DRC12: variants seen among roughly 807,000 people sequenced by gnomAD.
DRC12 encodes dynein regulatory complex subunit 12 homolog, also known as dynein regulatory complex protein 12.
At chr11:119,190,920 A>T in the DRC12 span, 1 of 1,520,004 alleles carries the variant, frequency 6.6e-7, no homozygotes, top group Non-Finnish European at 8.8e-7. The surrounding 1 kb of genome is among the most constrained non-coding windows in gnomAD (Gnocchi z 4.2). Flanking sequence ...TCTGGAAAGG[A>T]GACCTCAAAT....
chr11:119,190,751 GGGCCCGAA>G, the DRC12 span: 2 of 1,614,140 alleles, frequency 1.2e-6, no homozygotes, highest in Non-Finnish European at 8.5e-7. The surrounding 1 kb of genome is among the most constrained non-coding windows in gnomAD (Gnocchi z 4.2). Context: ...TCTGCCATGT[GGGCCCGAA>G]GCTGAGCCAG....
At chr11:119,193,722 T>C in the DRC12 span, 1 of 1,547,318 alleles carries the variant, frequency 6.5e-7, no homozygotes, top group Non-Finnish European at 8.7e-7. Context: ...GTTGTCCTCC[T>C]CCAAGCCCCT....
chr11:119,193,173 G>C, the DRC12 span: 2 of 1,614,118 alleles, frequency 1.2e-6, no homozygotes. Context: ...GAAGGCCTTT[G>C]ACTTCTTCCT....
the DRC12 span, chr11:119,193,658 C>G: frequency 6.7e-7 from 1 of 1,497,562 alleles, no homozygotes; most frequent in Non-Finnish European, 8.9e-7. Context: ...AAGACCAGGC[C>G]TGGCAGTCGG....
chr11:119,195,721 C>A, the DRC12 span: 7 of 519,860 alleles, frequency 1.3e-5, no homozygotes, highest in Admixed American at 7.0e-5. Context: ...TCATTCCTTG[C>A]AACTCTCTTT....
At chr11:119,194,675 C>G in the DRC12 span, among the ~76,000 whole-genome samples, 2 of 151,772 alleles carry the variant, frequency 1.3e-5, no homozygotes, top group African/African-American at 4.8e-5. Context: ...CCACTGCACT[C>G]CAGCCCGGGC....
the DRC12 span, chr11:119,193,855 T>C: frequency 6.4e-7 from 1 of 1,551,552 alleles, no homozygotes; most frequent in Non-Finnish European, 8.7e-7. Flanking sequence ...TTCGGAAGCC[T>C]TGGCTCGACG....
At chr11:119,194,515 C>CGAAAA in the DRC12 span, among the ~76,000 whole-genome samples, 1 of 27,484 alleles carries the variant, frequency 3.6e-5, no homozygotes, top group Non-Finnish European at 5.6e-5. Context: ...GACTCTGTCT[C>CGAAAA]AAAAAAAAAA....
the DRC12 span, chr11:119,195,340 C>G: frequency 3.9e-5 from 49 of 1,271,394 alleles, no homozygotes; most frequent in Non-Finnish European, 2.7e-5. Context: ...CTGCAGAAGG[C>G]TGAATTCTCT....
the DRC12 span, among the ~76,000 whole-genome samples, chr11:119,191,609 C>T: frequency 4.6e-5 from 7 of 151,562 alleles, no homozygotes; most frequent in East Asian, 6.0e-4. Flanking sequence ...GAGTCCGAAA[C>T]GAGCCCGGCC....
At chr11:119,193,054 G>A in the DRC12 span, 8 of 1,066,818 alleles carry the variant, frequency 7.5e-6, no homozygotes, top group Non-Finnish European at 1.0e-5. Context: ...AGCCCAGACG[G>A]CAGCTTTCTG....
the DRC12 span, chr11:119,193,647 C>G: frequency 6.7e-7 from 1 of 1,485,896 alleles, no homozygotes; most frequent in Non-Finnish European, 9.0e-7. Context: ...TGGGAAAGAC[C>G]AAGACCAGGC....
chr11:119,195,021 G>T, the DRC12 span: 1 of 1,535,528 alleles, frequency 6.5e-7, no homozygotes. Flanking sequence ...CAGAGCCTCA[G>T]CTCTTCATGA....
At chr11:119,194,006 C>A in the DRC12 span, 4 of 973,960 alleles carry the variant, frequency 4.1e-6, no homozygotes, top group Non-Finnish European at 6.0e-6. Context: ...GCCTCTTACT[C>A]TCTCTCTGGG....
chr11:119,190,315 T>C, the DRC12 span: 1 of 1,614,054 alleles, frequency 6.2e-7, no homozygotes, highest in Non-Finnish European at 8.5e-7. This position sits in a 1 kb window ranked among gnomAD's most constrained non-coding sequence, Gnocchi z 4.2. Flanking sequence ...GACTAGGGGC[T>C]GGTGGCCTCA....
At chr11:119,195,541 G>A in the DRC12 span, 1 of 1,398,190 alleles carries the variant, frequency 7.2e-7, no homozygotes, top group Non-Finnish European at 9.9e-7. Context: ...CTGGACACAG[G>A]GATGCTTTCC....
At chr11:119,193,191 C>T in the DRC12 span, 1 of 1,614,166 alleles carries the variant, frequency 6.2e-7, no homozygotes. Context: ...CCTCCAGCTG[C>T]TTGCTGCGGG....
the DRC12 span, chr11:119,193,685 C>T: frequency 6.6e-7 from 1 of 1,525,432 alleles, no homozygotes. Context: ...TCCTTGTTTC[C>T]CTTCCTTGCA....
the DRC12 span, among the ~76,000 whole-genome samples, chr11:119,194,534 A>AT: frequency 0.017 from 2,374 of 135,720 alleles, 51 homozygotes; most frequent in Non-Finnish European, 0.023. Flanking sequence ...AAAAAAAAAA[A>AT]AAAAAAAAAA....
Sources: allele counts gnomAD v4.1 joint callset (sites outside exome capture counted in the v4.1 genomes callset), GRCh38; gene constraint gnomAD v4.1.1; non-coding constraint Gnocchi (gnomAD v3.1); transcripts MANE v1.5; gene names NCBI Gene and HGNC (gene_info 2026-07-23, HGNC 2026-07-21).